The following TIMM23B variants were observed in gnomAD, a reference collection of about 807,000 sequenced individuals.
TIMM23B encodes the protein mitochondrial import inner membrane translocase subunit Tim23B.
A neutral mutation model predicts 27.3 loss-of-function variants in TIMM23B; 27 were observed. The ratio of observed to expected loss-of-function variants is 0.99; its 90% CI spans 0.73 to 1.36. The LOEUF (loss-of-function observed/expected upper bound fraction) is 1.36. Among genes scored for constraint, TIMM23B ranks in the 40% most tolerant of loss-of-function variants. The pLI, the probability that TIMM23B is intolerant of heterozygous loss-of-function variation, is 0.00. For missense variants in TIMM23B, 205 were observed against 244.2 expected (o/e 0.84, Z 1.07); for synonymous variants, 73 against 92.4 (o/e 0.79, Z 1.21).
chr10:49,952,735 T>A (rs1238601018), intron 4 of TIMM23B, among the ~76,000 whole-genome samples: 9 of 148,890 alleles, frequency 6.0e-5, no homozygotes, highest in African/African-American at 1.7e-4. Flanking sequence ...GTGATTTTTT[T>A]AATCAGTGTC....
intron 6 of TIMM23B, among the ~76,000 whole-genome samples, chr10:49,969,288 T>C (rs1473409944): frequency 6.6e-6 from 1 of 152,046 alleles, no homozygotes; most frequent in Non-Finnish European, 1.5e-5. Flanking sequence ...ATACAAAAAA[T>C]TAGCCAGTCT....
At chr10:49,955,145 T>C in intron 5 of TIMM23B, 85 bp downstream of exon 5, 2 of 1,381,588 alleles carry the variant, frequency 1.4e-6, no homozygotes, top group Non-Finnish European at 2.1e-6. Flanking sequence ...CAACCCATAT[T>C]CTGGTCCTAG....
At chr10:49,968,521 A>T (rs1241507880) in intron 6 of TIMM23B, among the ~76,000 whole-genome samples, 2 of 152,242 alleles carry the variant, frequency 1.3e-5, no homozygotes, top group African/African-American at 4.8e-5. Context: ...AAACATGTGT[A>T]GTTAATTAAG....
rs532271702 is a variant in TIMM23B at position 49,965,807 on chromosome 10, A to G, written c.515-7205A>G. 2.0e-5 allele frequency among the ~76,000 whole-genome samples: 3 copies of G among 150,878 alleles called. No homozygotes were observed. In the South Asian group the frequency reaches 6.3e-4, roughly 31 times the overall value. ...TGGAGCGAGTCTCCATCGAAATGAAATGAAATGAGATGAAATATGAAATGA... is the reference window on the plus strand; with the variant it reads ...TGGAGCGAGTCTCCATCGAAATGAAGTGAAATGAGATGAAATATGAAATGA... On this transcript the variant is annotated intron_variant, in intron 6 of 6. Coordinates refer to ENST00000651259, the MANE Select transcript of TIMM23B (RefSeq NM_001290117.2).
At chr10:49,942,446 G>C in intron 1 of TIMM23B, 146 bp downstream of exon 1, 1 of 1,414,174 alleles carries the variant, frequency 7.1e-7, no homozygotes, top group Non-Finnish European at 9.5e-7. Context: ...TAGTGTATCT[G>C]CATGGCTGCT....
chr10:49,942,161 C>T lies in TIMM23B; in HGVS notation c.-34C>T. On this transcript the variant is annotated 5_prime_UTR_variant, in exon 1 of 7. Coordinates refer to ENST00000651259, the MANE Select transcript of TIMM23B (RefSeq NM_001290117.2). ...CCCAGCGGACCACCCAGGCTTGAGG[C>T]AGCGGCGGGAACCACTCGGTTTGCT... 6.4e-7 allele frequency: 1 copy of T among 1,559,884 alleles called. No homozygotes were observed. The highest frequency in any genetic ancestry group is 2.4e-5 in the East Asian group (1 of 41,842).
At chr10:49,959,114 A>G (rs1226859519) in intron 6 of TIMM23B, among the ~76,000 whole-genome samples, 2 of 152,180 alleles carry the variant, frequency 1.3e-5, no homozygotes, top group Non-Finnish European at 1.5e-5. Flanking sequence ...TTTTTTGGAT[A>G]TATGTGCAGA....
intron 6 of TIMM23B, among the ~76,000 whole-genome samples, chr10:49,965,372 C>G (rs1213456886): frequency 4.0e-5 from 6 of 150,930 alleles, no homozygotes; most frequent in African/African-American, 1.5e-4. Context: ...TGGGTGCACT[C>G]CAGCCTGGGT....
At chr10:49,965,973 G>GTGAAA (rs557148244) in intron 6 of TIMM23B, among the ~76,000 whole-genome samples, 2 of 146,878 alleles carry the variant, frequency 1.4e-5, no homozygotes, top group Non-Finnish European at 3.0e-5. Flanking sequence ...GAAATGCTGG[G>GTGAAA]TGAAATGAAA....
At chr10:49,944,791 G>A (rs1393475720) in intron 1 of TIMM23B, among the ~76,000 whole-genome samples, 1 of 152,220 alleles carries the variant, frequency 6.6e-6, no homozygotes, top group Non-Finnish European at 1.5e-5. Flanking sequence ...CTATGACACT[G>A]CGATTATCTT....
chr10:49,943,911 G>A (rs61847105), intron 1 of TIMM23B, among the ~76,000 whole-genome samples: 12 of 152,126 alleles, frequency 7.9e-5, no homozygotes, highest in African/African-American at 2.9e-4. Flanking sequence ...ATTTTAGAGC[G>A]GATTAGGGAA....
At chr10:49,965,985 G>GAAATA (rs782298694) in intron 6 of TIMM23B, among the ~76,000 whole-genome samples, 1 of 146,386 alleles carries the variant, frequency 6.8e-6, no homozygotes, top group Non-Finnish European at 1.5e-5. Flanking sequence ...GAAATGAAAT[G>GAAATA]AAATAAATGA....
Position 49,973,225 on chromosome 10 carries a change from A to G in TIMM23B, c.*161A>G, listed in dbSNP as rs1840528312. 3 of 530,854 alleles carry G rather than the reference A, an allele frequency of 5.7e-6. No homozygotes were observed. The highest frequency in any genetic ancestry group is 4.9e-4 in the Middle Eastern group (1 of 2,048). The allele number at this position is 530,854 out of a possible 1,614,324, so 32.9% of individuals were successfully genotyped here. ...GTAGTCTCTGTCAGAGCTACATTTT[A>G]AAGGAGAAAAAGAAACGTGAAGTCA... On this transcript the variant is annotated 3_prime_UTR_variant, in exon 7 of 7. Transcript: ENST00000651259.
chr10:49,950,240 A>G, intron 2 of TIMM23B, among the ~76,000 whole-genome samples: 1 of 139,840 alleles, frequency 7.2e-6, no homozygotes, highest in Non-Finnish European at 1.5e-5. Context: ...GTACATTGAT[A>G]CCCATTCTTG....
chr10:49,967,457 A>C (rs1840214423), intron 6 of TIMM23B, among the ~76,000 whole-genome samples: 1 of 151,864 alleles, frequency 6.6e-6, no homozygotes, highest in South Asian at 2.1e-4. Context: ...GAAATTAATA[A>C]GACATTGATT....
rs1352992568 is a variant in TIMM23B, at chr10:49,950,247, C to A, written c.166-1879C>A. On this transcript the variant is annotated intron_variant, in intron 2 of 6. Transcript: ENST00000651259. The stretch of plus-strand genomic sequence containing the variant: ...CCCAGCAAGTACATTGATACCCATT[C>A]TTGGATTTATCTTCCATGTCAGCAA... Among the ~76,000 whole-genome samples, 7 of 91,140 alleles carry A rather than the reference C, an allele frequency of 7.7e-5. No individual in the cohort carries two copies. In the Admixed American group the frequency reaches 8.0e-4, roughly 10 times the overall value. 59.8% of individuals were successfully genotyped at this position (91,140 alleles called of 152,430 possible).
In TIMM23B at chr10:49,955,076, G is replaced by A. The variant is rs1418328560; in HGVS notation, c.403+16G>A. The A allele has an allele frequency of 3.4e-5, 55 of 1,610,896 alleles. No homozygotes were observed. The highest frequency in any genetic ancestry group is 5.0e-5 in the Admixed American group (3 of 59,942). On this transcript the variant is annotated intron_variant, in intron 5 of 6. Coordinates refer to ENST00000651259, the MANE Select transcript of TIMM23B (RefSeq NM_001290117.2). ...GGTTCTCTGGGTAAGTAGAGATCTCGTTTGATAATAAATTGTTAACTTAAA... is the reference window on the plus strand; with the variant it reads ...GGTTCTCTGGGTAAGTAGAGATCTCATTTGATAATAAATTGTTAACTTAAA...
Position 49,963,887 on chromosome 10 carries a change from C to T in TIMM23B, c.514+5407C>T, listed in dbSNP as rs376542271. Among the ~76,000 whole-genome samples the T allele has an allele frequency of 3.9e-5, 6 of 152,176 alleles. 1 individual carries two copies. The highest frequency in any genetic ancestry group is 1.4e-4 in the African/African-American group (6 of 41,510). ...GGCTGAGAGAGGAGAATCGCTTGAA[C>T]CCAGGAGGCAGAGGTTGCAGTGAGC... On this transcript the variant is annotated intron_variant, in intron 6 of 6. Transcript: ENST00000651259.
intron 6 of TIMM23B, among the ~76,000 whole-genome samples, chr10:49,970,710 TG>T (rs1169830407): frequency 1.8e-5 from 2 of 109,298 alleles, no homozygotes; most frequent in Non-Finnish European, 3.9e-5. Context: ...GGGAGGGAGG[TG>T]GGGGGCGCCT....
Sources: gnomAD v4.1 joint callset for allele counts (sites outside exome capture counted in the v4.1 genomes callset) on GRCh38, gnomAD v4.1.1 for gene constraint, MANE v1.5 for transcripts, NCBI Gene and HGNC (gene_info 2026-07-23, HGNC 2026-07-21) for gene names.